AKAP19: variants seen among roughly 807,000 people sequenced by gnomAD.
AKAP19 encodes small A-kinase anchoring protein.
chr2:190,183,185 G>C, the AKAP19 span, among the ~76,000 whole-genome samples: 1 of 152,104 alleles, frequency 6.6e-6, no homozygotes, highest in Non-Finnish European at 1.5e-5. Flanking sequence ...AGAAACTTCA[G>C]TATCAATAAA....
the AKAP19 span, among the ~76,000 whole-genome samples, chr2:190,006,654 A>AAG: frequency 1.4e-5 from 2 of 147,190 alleles, no homozygotes; most frequent in African/African-American, 5.0e-5. Context: ...AAAAAAAAAA[A>AAG]AGCTAGCTAT....
At chr2:190,122,126 A>G in the AKAP19 span, among the ~76,000 whole-genome samples, 3 of 152,212 alleles carry the variant, frequency 2.0e-5, no homozygotes, top group Admixed American at 6.5e-5. Context: ...TTGTCGATAG[A>G]TATTTTAAAA....
the AKAP19 span, among the ~76,000 whole-genome samples, chr2:190,108,365 A>T: frequency 6.6e-6 from 1 of 152,240 alleles, no homozygotes; most frequent in Non-Finnish European, 1.5e-5. Context: ...CATGTTGGCC[A>T]GGCTGGTCTC....
the AKAP19 span, among the ~76,000 whole-genome samples, chr2:190,077,477 A>C: frequency 6.6e-6 from 1 of 151,932 alleles, no homozygotes; most frequent in Non-Finnish European, 1.5e-5. Flanking sequence ...ACATGTTAAA[A>C]ATTTTTTAAA....
At chr2:190,126,324 A>AAAAAAAAAAT in the AKAP19 span, among the ~76,000 whole-genome samples, 1 of 139,150 alleles carries the variant, frequency 7.2e-6, no homozygotes, top group Admixed American at 7.2e-5. Context: ...AAAAAAAAAA[A>AAAAAAAAAAT]GGTGTATATT....
chr2:190,039,572 GGTAAAC>G, the AKAP19 span, among the ~76,000 whole-genome samples: 1 of 151,740 alleles, frequency 6.6e-6, no homozygotes, highest in Non-Finnish European at 1.5e-5. Context: ...TTGTTACATA[GGTAAAC>G]GTGTGCCACA....
chr2:189,962,415 A>G, the AKAP19 span, among the ~76,000 whole-genome samples: 1 of 152,202 alleles, frequency 6.6e-6, no homozygotes, highest in African/African-American at 2.4e-5. Flanking sequence ...TGAATATGTT[A>G]CTGTTAGAAA....
the AKAP19 span, among the ~76,000 whole-genome samples, chr2:189,994,484 T>A: frequency 6.6e-6 from 1 of 152,074 alleles, no homozygotes; most frequent in Admixed American, 6.6e-5. Context: ...CCCAGAGGTT[T>A]TCCTAGGTTG....
chr2:190,065,337 T>C, the AKAP19 span, among the ~76,000 whole-genome samples: 1 of 152,104 alleles, frequency 6.6e-6, no homozygotes, highest in Non-Finnish European at 1.5e-5. Context: ...AGAGTTTCAG[T>C]CTGGGAAGAT....
chr2:189,917,105 A>T, the AKAP19 span: 5 of 348,034 alleles, frequency 1.4e-5, no homozygotes, highest in Admixed American at 1.0e-4. Context: ...TAACTCTTAT[A>T]GCACAAACCC....
the AKAP19 span, among the ~76,000 whole-genome samples, chr2:190,028,960 G>GAA: frequency 6.6e-6 from 1 of 152,152 alleles, no homozygotes; most frequent in South Asian, 2.1e-4. Context: ...AAAGATAGAA[G>GAA]ATATGGAGCT....
At chr2:190,030,975 AG>A in the AKAP19 span, among the ~76,000 whole-genome samples, 1 of 152,344 alleles carries the variant, frequency 6.6e-6, no homozygotes, top group Non-Finnish European at 1.5e-5. Context: ...AGATAAGGTG[AG>A]GCTCCATCAA....
At chr2:190,001,662 C>T in the AKAP19 span, among the ~76,000 whole-genome samples, 1 of 152,140 alleles carries the variant, frequency 6.6e-6, no homozygotes, top group African/African-American at 2.4e-5. Context: ...TTTTTAAACA[C>T]CTTGATTCAG....
At chr2:189,890,458 A>G in the AKAP19 span, among the ~76,000 whole-genome samples, 17 of 152,140 alleles carry the variant, frequency 1.1e-4, no homozygotes, top group Non-Finnish European at 2.5e-4. Flanking sequence ...AGCTGAGTTC[A>G]AGTCCTGAAT....
chr2:189,931,931 T>C, the AKAP19 span, among the ~76,000 whole-genome samples: 1 of 152,124 alleles, frequency 6.6e-6, no homozygotes, highest in Non-Finnish European at 1.5e-5. Context: ...ACAATATTAT[T>C]AACTGATTTA....
At chr2:190,159,605 C>T in the AKAP19 span, among the ~76,000 whole-genome samples, 1 of 152,084 alleles carries the variant, frequency 6.6e-6, no homozygotes, top group Admixed American at 6.6e-5. Context: ...GTTCCAAGTT[C>T]TCTCGTCCCT....
At chr2:190,123,919 G>C in the AKAP19 span, among the ~76,000 whole-genome samples, 10 of 152,316 alleles carry the variant, frequency 6.6e-5, no homozygotes, top group Non-Finnish European at 1.2e-4. Context: ...TGGATGTATT[G>C]ATCTATCTCC....
At chr2:190,068,110 A>G in the AKAP19 span, among the ~76,000 whole-genome samples, 1 of 151,900 alleles carries the variant, frequency 6.6e-6, no homozygotes, top group Non-Finnish European at 1.5e-5. Context: ...AACAAACTAG[A>G]CTCAAAGACT....
chr2:189,935,145 A>G, the AKAP19 span, among the ~76,000 whole-genome samples: 1 of 152,066 alleles, frequency 6.6e-6, no homozygotes, highest in African/African-American at 2.4e-5. Flanking sequence ...AATTTTTTTT[A>G]GTGTTTATAC....
Sources: allele counts gnomAD v4.1 joint callset (sites outside exome capture counted in the v4.1 genomes callset), GRCh38; gene constraint gnomAD v4.1.1; transcripts MANE v1.5; gene names NCBI Gene and HGNC (gene_info 2026-07-23, HGNC 2026-07-21).